Variants in KCNK2 observed in about 807,000 individuals in gnomAD.
KCNK2 encodes potassium channel subfamily K member 2.
A neutral mutation model predicts 40.5 loss-of-function variants in KCNK2; 21 were observed. That is an observed-to-expected ratio of 0.52 (90% CI 0.37 to 0.75). The LOEUF is 0.75. Ranked by LOEUF, KCNK2 falls within the 30% of genes least tolerant of loss-of-function variation. KCNK2 has a pLI of 0.00. For synonymous variants in KCNK2, 191 were observed against 202.2 expected (o/e 0.94, Z 0.47); for missense variants, 399 against 531.6 (o/e 0.75, Z 2.45).
In KCNK2 at chr1:215,236,806, G is replaced by A. The variant is rs1187019901; in HGVS notation, c.*1661G>A. On this transcript the variant is annotated 3_prime_UTR_variant, in exon 7 of 7. Coordinates refer to ENST00000444842, the MANE Select transcript of KCNK2 (RefSeq NM_001017425.3). Reference sequence around the variant, plus strand: ...TCTGAATAAGTGGCATTCAGATTAGGGTCTTGAAAAATAAACCCAGAATCT... The same window carrying A: ...TCTGAATAAGTGGCATTCAGATTAGAGTCTTGAAAAATAAACCCAGAATCT... The A allele has an allele frequency of 2.6e-5, 4 of 151,168 alleles. No individual in the cohort carries two copies. The East Asian group carries it at 5.8e-4, about 22-fold the overall frequency. The allele number at this position is 151,168 out of a possible 1,614,324, so 9.4% of individuals were successfully genotyped here.
At chr1:215,204,661 A>AT (rs1337404695) in intron 6 of KCNK2, among the ~76,000 whole-genome samples, 1 of 151,834 alleles carries the variant, frequency 6.6e-6, no homozygotes, top group Non-Finnish European at 1.5e-5. Flanking sequence ...GAGCTAAAAA[A>AT]ATCTCATTTT....
At chr1:215,169,643 C>CT (rs35265842) in intron 4 of KCNK2, among the ~76,000 whole-genome samples, 102,219 of 146,086 alleles carry the variant, frequency 0.7, 35,889 homozygotes, top group Non-Finnish European at 0.73. Flanking sequence ...CTTTTTCTTT[C>CT]TTTTTTTTTT....
chr1:215,174,350 A>T (rs1161514910), intron 5 of KCNK2, among the ~76,000 whole-genome samples: 1 of 152,202 alleles, frequency 6.6e-6, no homozygotes, highest in Admixed American at 6.5e-5. Context: ...TGGTACCAGT[A>T]CCATGCTGTT....
chr1:215,119,166 G>T (rs547007528), intron 2 of KCNK2, among the ~76,000 whole-genome samples: 1 of 152,196 alleles, frequency 6.6e-6, no homozygotes. Flanking sequence ...CACACAAAAA[G>T]CTGTTCCTTG....
chr1:215,054,550 A>G (rs991262964), intron 1 of KCNK2, among the ~76,000 whole-genome samples: 2 of 152,150 alleles, frequency 1.3e-5, no homozygotes. Flanking sequence ...TGCACTGCAC[A>G]CCCACCGCTG....
intron 5 of KCNK2, among the ~76,000 whole-genome samples, chr1:215,189,665 T>C (rs1664586260): frequency 6.6e-6 from 1 of 152,210 alleles, no homozygotes; most frequent in Admixed American, 6.5e-5. Flanking sequence ...TTTAGTTTAG[T>C]AGGTAAGCTG....
At chr1:215,111,778 G>A (rs1660694490) in intron 2 of KCNK2, among the ~76,000 whole-genome samples, 1 of 151,512 alleles carries the variant, frequency 6.6e-6, no homozygotes, top group African/African-American at 2.4e-5. Context: ...ATTGGGCCAT[G>A]TTTCCCTGTT....
intron 5 of KCNK2, among the ~76,000 whole-genome samples, chr1:215,187,754 T>C (rs1250743684): frequency 6.6e-6 from 1 of 151,402 alleles, no homozygotes; most frequent in African/African-American, 2.4e-5. Flanking sequence ...TTAACACTCC[T>C]TTTCAGAATT....
At chr1:215,189,772 C>T (rs1194012693) in intron 5 of KCNK2, among the ~76,000 whole-genome samples, 2 of 152,138 alleles carry the variant, frequency 1.3e-5, no homozygotes, top group Non-Finnish European at 2.9e-5. Flanking sequence ...CAGTGAGAAA[C>T]ACCTTATTCA....
At chr1:215,110,943 A>G (rs1448833944) in intron 2 of KCNK2, among the ~76,000 whole-genome samples, 1 of 152,136 alleles carries the variant, frequency 6.6e-6, no homozygotes, top group African/African-American at 2.4e-5. Context: ...TCATGTGTCC[A>G]TTATTACAAT....
chr1:215,082,426 G>A (rs1460221555), upstream of KCNK2, among the ~76,000 whole-genome samples: 1 of 152,104 alleles, frequency 6.6e-6, no homozygotes, highest in East Asian at 1.9e-4. Context: ...TCCCACACCC[G>A]GTCCCACACC....
At chr1:215,164,173 T>C (rs960867212) in intron 3 of KCNK2, among the ~76,000 whole-genome samples, 3 of 152,222 alleles carry the variant, frequency 2.0e-5, no homozygotes, top group South Asian at 2.1e-4. Context: ...CAGGAATTTA[T>C]CTGTTTCTTC....
chr1:215,117,385 T>A (rs979894084), intron 2 of KCNK2, among the ~76,000 whole-genome samples: 1 of 152,160 alleles, frequency 6.6e-6, no homozygotes, highest in Non-Finnish European at 1.5e-5. Flanking sequence ...TAAAGGGTTT[T>A]CCTTTGATAA....
upstream of KCNK2, chr1:215,005,805 G>T: frequency 2.3e-6 from 2 of 887,872 alleles, no homozygotes; most frequent in Non-Finnish European, 3.8e-6. Context: ...AAACAGTATG[G>T]GACGATGGCT....
intron 6 of KCNK2, among the ~76,000 whole-genome samples, chr1:215,205,293 A>G (rs1437737031): frequency 6.6e-6 from 1 of 152,108 alleles, no homozygotes; most frequent in African/African-American, 2.4e-5. Context: ...GCTGGAGTGC[A>G]GTGGCATGAT....
intron 1 of KCNK2, among the ~76,000 whole-genome samples, chr1:215,053,145 G>T (rs1219978529): frequency 6.6e-6 from 1 of 152,048 alleles, no homozygotes; most frequent in Non-Finnish European, 1.5e-5. Flanking sequence ...GGTTAGTTCA[G>T]CCATTTAACG....
At chr1:215,093,456 A>C (rs1469117251) in intron 2 of KCNK2, among the ~76,000 whole-genome samples, 2 of 125,204 alleles carry the variant, frequency 1.6e-5, no homozygotes, top group Admixed American at 2.1e-4. Flanking sequence ...TAATATATAT[A>C]ATATATAATG....
chr1:215,106,856 G>A (rs1320968236), intron 2 of KCNK2, among the ~76,000 whole-genome samples: 2 of 151,916 alleles, frequency 1.3e-5, no homozygotes, highest in African/African-American at 2.4e-5. Flanking sequence ...TTTCCTTACT[G>A]TTTATTTCTG....
chr1:215,170,746 T>C (rs1663671910), intron 4 of KCNK2, among the ~76,000 whole-genome samples: 1 of 152,174 alleles, frequency 6.6e-6, no homozygotes, highest in Admixed American at 6.6e-5. Flanking sequence ...AAAAGAATTA[T>C]CTGTTTATAT....
Sources: gnomAD v4.1 joint callset for allele counts (sites outside exome capture counted in the v4.1 genomes callset) on GRCh38, gnomAD v4.1.1 for gene constraint, MANE v1.5 for transcripts, NCBI Gene and HGNC (gene_info 2026-07-23, HGNC 2026-07-21) for gene names.